AACS: variants seen among roughly 807,000 people sequenced by gnomAD.
AACS encodes the protein acetoacetyl-CoA synthetase.
In AACS, 69 loss-of-function variants were observed where a neutral mutation model predicts 83.1. That is an observed-to-expected ratio of 0.83 (90% CI 0.68 to 1.01). AACS has a LOEUF of 1.01. Among genes scored for constraint, AACS ranks in the 50% least tolerant of loss-of-function variants. The pLI is 0.00. For synonymous variants in AACS, 333 were observed against 343.4 expected, an observed-to-expected ratio of 0.97 and a Z score of 0.33; for missense variants, 866 against 882.2, an observed-to-expected ratio of 0.98 and a Z score of 0.23.
At chr12:125,092,305 T>C (rs1016662816) in intron 5 of AACS, among the ~76,000 whole-genome samples, 2 of 152,242 alleles carry the variant, frequency 1.3e-5, no homozygotes, top group African/African-American at 4.8e-5. Context: ...GGCCAGGCCC[T>C]GTGCCGTCCG....
At position 125,124,943 on chromosome 12, in the gene AACS, A is replaced by G; in HGVS notation, c.1228A>G (p.Thr410Ala). Residue 410 changes from threonine to alanine, a missense_variant, in exon 12 of 18, where the codon ACT becomes GCT. Physicochemically the swap from Thr to Ala is moderately conservative, Grantham distance 58. Transcript: ENST00000316519. The stretch of plus-strand genomic sequence containing the variant: ...CCAGATGCTCCACACGATCCTGTCC[A>G]CTGGCTCCCCACTGAAAGCCCAGAG... Reference protein sequence around the residue: ...SLQMLHTILSTGSPLKAQSYE... With the variant: ...SLQMLHTILSAGSPLKAQSYE... 6.2e-7 allele frequency: 1 copy of G among 1,614,220 alleles called. No homozygotes were observed. Among genetic ancestry groups the G allele is most frequent in the Non-Finnish European group, 8.5e-7 (1 of 1,180,040 alleles).
intron 9 of AACS, among the ~76,000 whole-genome samples, chr12:125,114,902 G>A (rs984755461): frequency 2.7e-4 from 39 of 145,756 alleles, no homozygotes; most frequent in Middle Eastern, 7.4e-3. Context: ...GGGCTTCCCC[G>A]GGCGCTGGCC....
intron 5 of AACS, chr12:125,101,417 A>G (rs115921617): frequency 2.6e-5 from 4 of 152,386 alleles, no homozygotes; most frequent in African/African-American, 9.6e-5. Flanking sequence ...GATGGGGCTC[A>G]TTAACTAGTG....
intron 2 of AACS, 81 bp from the exon 3 acceptor site, chr12:125,076,410 T>G: frequency 6.4e-7 from 1 of 1,556,882 alleles, no homozygotes; most frequent in Middle Eastern, 1.7e-4. Context: ...CTTTTGCTGA[T>G]TTGTGACATA....
rs1259013530 is a variant in AACS at position 125,094,314 on chromosome 12, C to T, written c.570+2791C>T. Among the ~76,000 whole-genome samples, 5 of 152,224 alleles carry T rather than the reference C, an allele frequency of 3.3e-5. No homozygotes were observed. Among genetic ancestry groups the T allele is most frequent in the Non-Finnish European group, 5.9e-5 (4 of 68,048 alleles). ...AACTGCAATGAAGCGTGAATGTCTT[C>T]CCTTTGGAATCATGTTTTCTCTTGC... On this transcript the variant is annotated intron_variant, in intron 5 of 17. Coordinates refer to ENST00000316519, the MANE Select transcript of AACS (RefSeq NM_023928.5). The surrounding 1 kb of genome is among the most constrained non-coding windows in gnomAD (Gnocchi z 4.1).
intron 7 of AACS, 123 bp downstream of exon 7, chr12:125,103,204 G>A: frequency 1.3e-6 from 1 of 783,326 alleles, no homozygotes; most frequent in Non-Finnish European, 2.1e-6. Context: ...GGAGGTTTTA[G>A]TTAAAAGCAT....
intron 1 of AACS, among the ~76,000 whole-genome samples, chr12:125,069,527 G>T (rs957904448): frequency 2.0e-5 from 3 of 152,206 alleles, no homozygotes; most frequent in African/African-American, 7.2e-5. Context: ...TCCACGTGGG[G>T]CTCTGGGGTC....
intron 4 of AACS, among the ~76,000 whole-genome samples, chr12:125,087,771 G>A (rs1017564615): frequency 3.3e-5 from 5 of 152,194 alleles, no homozygotes; most frequent in African/African-American, 1.2e-4. Context: ...AATCCTGTGC[G>A]CCAGGCCCCA....
intron 4 of AACS, among the ~76,000 whole-genome samples, chr12:125,087,061 AG>A: frequency 6.6e-6 from 1 of 152,044 alleles, no homozygotes; most frequent in East Asian, 1.9e-4. Flanking sequence ...CATGGAGGGC[AG>A]GAGGTGGGGC....
At chr12:125,111,916 A>G (rs375910694) in intron 8 of AACS, among the ~76,000 whole-genome samples, 4 of 152,216 alleles carry the variant, frequency 2.6e-5, no homozygotes, top group Non-Finnish European at 5.9e-5. Flanking sequence ...AGGAGGGCCC[A>G]TCATTTGTTT....
chr12:125,100,968 G>A (rs1956697676), intron 5 of AACS: 1 of 152,270 alleles, frequency 6.6e-6, no homozygotes. Context: ...CAGCCAGGGT[G>A]GAGAGCCTGT....
At chr12:125,081,274 G>A (rs1415481534) in intron 3 of AACS, among the ~76,000 whole-genome samples, 2 of 152,188 alleles carry the variant, frequency 1.3e-5, no homozygotes, top group African/African-American at 2.4e-5. Context: ...GATTACAGGC[G>A]TGAACCACCA....
At chr12:125,125,801 C>G (rs537360535) in intron 12 of AACS, 1 of 126,458 alleles carries the variant, frequency 7.9e-6, no homozygotes, top group South Asian at 2.4e-4. Flanking sequence ...TGATGGACAT[C>G]GAAACATGGC....
intron 8 of AACS, among the ~76,000 whole-genome samples, chr12:125,109,960 C>T (rs921162625): frequency 6.6e-6 from 1 of 151,922 alleles, no homozygotes. Flanking sequence ...TAGTGTATTT[C>T]ATTTCTGTGA....
chr12:125,128,259 G>T lies in AACS; in HGVS notation c.1408G>T (p.Ala470Ser), dbSNP rs777269472. ...CCGGAACCTGGGCATGGCCGTGGAA[G>T]CGTGGAACGAGGAAGGTGATGGCTC... Reference protein sequence around the residue: ...QARNLGMAVEAWNEEGKAVWG... With the variant: ...QARNLGMAVESWNEEGKAVWG... Residue 470 changes from alanine (A) to serine (S), a missense_variant, in exon 13 of 18, where the codon GCG becomes TCG. Ala to Ser is a moderately conservative substitution (Grantham distance 99). Transcript: ENST00000316519. 6.2e-7 allele frequency: 1 copy of T among 1,612,070 alleles called. No individual in the cohort carries two copies. The highest frequency in any genetic ancestry group is 1.1e-5 in the South Asian group (1 of 90,752).
At position 125,142,579 on chromosome 12, in the gene AACS, G is replaced by T. The variant is rs756746545; in HGVS notation, c.*350G>T. ...CCAAGGTCTTGTCTTCAACCTCCCC[G>T]TCCCGTTGTCCCATTTTGCTCTGTG... On this transcript the variant is annotated 3_prime_UTR_variant, in exon 18 of 18. Coordinates refer to ENST00000316519, the MANE Select transcript of AACS (RefSeq NM_023928.5). 5 of 200,426 alleles carry T rather than the reference G, an allele frequency of 2.5e-5. No individual in the cohort carries two copies. The highest frequency in any genetic ancestry group is 5.0e-5 in the Non-Finnish European group (5 of 99,018). 12.4% of individuals were successfully genotyped at this position (200,426 alleles called of 1,614,324 possible).
rs898304595 is a variant in AACS at position 125,113,155 on chromosome 12, G to T, written c.916-1322G>T. Among the ~76,000 whole-genome samples, 6 of 152,216 alleles carry T rather than the reference G, an allele frequency of 3.9e-5. No individual in the cohort carries two copies. Among genetic ancestry groups the T allele is most frequent in the Non-Finnish European group, 8.8e-5 (6 of 68,030 alleles). ...GAATAGGAGTTTTGGCTCCTGAATG[G>T]GAGCCTGTGTTGGATAGGATTGTTC... is the stretch of plus-strand genomic sequence containing the variant. On this transcript the variant is annotated intron_variant, in intron 8 of 17. Transcript: ENST00000316519. The surrounding 1 kb of genome is among the most constrained non-coding windows in gnomAD (Gnocchi z 4.8).
chr12:125,096,741 C>T (rs1592967678), intron 5 of AACS, among the ~76,000 whole-genome samples: 1 of 151,894 alleles, frequency 6.6e-6, no homozygotes, highest in African/African-American at 2.4e-5. Context: ...AATCGCTGTG[C>T]ATGCACTTAG....
intron 5 of AACS, among the ~76,000 whole-genome samples, chr12:125,093,235 T>A (rs558755093): frequency 6.6e-6 from 1 of 152,206 alleles, no homozygotes; most frequent in African/African-American, 2.4e-5. Context: ...GGAGTGATCA[T>A]GGCCTCCCAG....
Sources: gnomAD v4.1 joint callset for allele counts (sites outside exome capture counted in the v4.1 genomes callset) on GRCh38, gnomAD v4.1.1 for gene constraint, Gnocchi (gnomAD v3.1) non-coding constraint, MANE v1.5 for transcripts, NCBI Gene and HGNC (gene_info 2026-07-23, HGNC 2026-07-21) for gene names.